Variants in BMAL2 observed in about 807,000 individuals in gnomAD.
The protein encoded by BMAL2 is basic helix-loop-helix ARNT-like protein 2.
chr12:27,362,802 TTTTG>T, the BMAL2 span, among the ~76,000 whole-genome samples: 1 of 152,118 alleles, frequency 6.6e-6, no homozygotes, highest in African/African-American at 2.4e-5. Flanking sequence ...CATTATCGGT[TTTTG>T]TTGTTGTTGT....
At chr12:27,411,112 A>T in the BMAL2 span, among the ~76,000 whole-genome samples, 1 of 152,120 alleles carries the variant, frequency 6.6e-6, no homozygotes. Flanking sequence ...TGTAGTATAC[A>T]GAATAGTTAT....
At chr12:27,418,946 T>C in the BMAL2 span, among the ~76,000 whole-genome samples, 1 of 147,660 alleles carries the variant, frequency 6.8e-6, no homozygotes, top group East Asian at 2.0e-4. Flanking sequence ...ACTGCTGCAC[T>C]CCAGCATGGG....
the BMAL2 span, among the ~76,000 whole-genome samples, chr12:27,382,460 T>C: frequency 2.6e-5 from 4 of 152,092 alleles, no homozygotes; most frequent in African/African-American, 9.7e-5. Flanking sequence ...GTTACAGCAG[T>C]GGTTCGAGTG....
At chr12:27,398,763 A>G in the BMAL2 span, among the ~76,000 whole-genome samples, 2 of 152,232 alleles carry the variant, frequency 1.3e-5, no homozygotes, top group Non-Finnish European at 2.9e-5. Flanking sequence ...ACATATATAA[A>G]TTAAAAATAC....
the BMAL2 span, chr12:27,417,986 C>G: frequency 8.4e-5 from 55 of 652,778 alleles, no homozygotes; most frequent in Non-Finnish European, 1.3e-4. Flanking sequence ...CAGCGAGCCT[C>G]CATCTCAAAA....
the BMAL2 span, among the ~76,000 whole-genome samples, chr12:27,333,378 C>T: frequency 6.6e-6 from 1 of 152,156 alleles, no homozygotes; most frequent in South Asian, 2.1e-4. Flanking sequence ...GTGTCTTGGT[C>T]CCGGGCCGGG....
chr12:27,363,603 A>T, the BMAL2 span, among the ~76,000 whole-genome samples: 2 of 152,166 alleles, frequency 1.3e-5, no homozygotes, highest in African/African-American at 4.8e-5. Context: ...GACAACTGGA[A>T]TTTCTTTTAT....
chr12:27,401,469 C>G, the BMAL2 span: 1 of 1,539,490 alleles, frequency 6.5e-7, no homozygotes, highest in Non-Finnish European at 8.9e-7. Flanking sequence ...ATCTTCACAA[C>G]ATTGATTTTT....
the BMAL2 span, among the ~76,000 whole-genome samples, chr12:27,414,163 C>T: frequency 6.6e-6 from 1 of 152,140 alleles, no homozygotes; most frequent in Non-Finnish European, 1.5e-5. Context: ...GCACTCAACA[C>T]TTGAACACCT....
chr12:27,342,448 T>C, the BMAL2 span, among the ~76,000 whole-genome samples: 2 of 152,260 alleles, frequency 1.3e-5, no homozygotes, highest in African/African-American at 4.8e-5. Flanking sequence ...ATACATCTGA[T>C]CTGTAGATTG....
the BMAL2 span, among the ~76,000 whole-genome samples, chr12:27,346,859 A>G: frequency 6.6e-6 from 1 of 152,142 alleles, no homozygotes. Flanking sequence ...CATGGGGTGG[A>G]TCCTTCATGA....
chr12:27,402,510 C>A, the BMAL2 span: 1 of 884,082 alleles, frequency 1.1e-6, no homozygotes, highest in South Asian at 1.8e-5. Context: ...GTATATAAAA[C>A]ATAAATGGGC....
At chr12:27,356,539 G>GT in the BMAL2 span, among the ~76,000 whole-genome samples, 1 of 152,112 alleles carries the variant, frequency 6.6e-6, no homozygotes, top group African/African-American at 2.4e-5. Flanking sequence ...TAAGTTGCGT[G>GT]TATGTCTTAC....
the BMAL2 span, chr12:27,400,839 C>T: frequency 7.4e-7 from 1 of 1,352,804 alleles, no homozygotes; most frequent in Non-Finnish European, 1.0e-6. Flanking sequence ...AAAGGCGTGT[C>T]TTAGTAGCAC....
At chr12:27,395,540 T>C in the BMAL2 span, among the ~76,000 whole-genome samples, 1 of 152,140 alleles carries the variant, frequency 6.6e-6, no homozygotes, top group South Asian at 2.1e-4. Flanking sequence ...CAAAAATGCA[T>C]GTGTACAGTC....
chr12:27,400,999 T>C, the BMAL2 span, among the ~76,000 whole-genome samples: 2 of 152,128 alleles, frequency 1.3e-5, no homozygotes, highest in African/African-American at 2.4e-5. Context: ...CTGGGCATGA[T>C]CTGTGGCCAC....
chr12:27,362,980 T>A, the BMAL2 span, among the ~76,000 whole-genome samples: 1 of 152,124 alleles, frequency 6.6e-6, no homozygotes, highest in Non-Finnish European at 1.5e-5. Flanking sequence ...GTTTTAAAAT[T>A]TTTTTGTAGA....
the BMAL2 span, chr12:27,389,362 A>G: frequency 1.8e-6 from 2 of 1,114,096 alleles, no homozygotes; most frequent in East Asian, 4.8e-5. Context: ...AAGTTTAGCT[A>G]CACAGTGTTT....
chr12:27,355,214 T>C, the BMAL2 span, among the ~76,000 whole-genome samples: 1 of 152,166 alleles, frequency 6.6e-6, no homozygotes, highest in Admixed American at 6.5e-5. Context: ...TGCTGCATCA[T>C]ATTCTTAGAG....
Sources: gnomAD v4.1 joint callset for allele counts (sites outside exome capture counted in the v4.1 genomes callset) on GRCh38, gnomAD v4.1.1 for gene constraint, MANE v1.5 for transcripts, NCBI Gene and HGNC (gene_info 2026-07-23, HGNC 2026-07-21) for gene names.